C2CD2: variants seen among roughly 807,000 people sequenced by gnomAD.
The protein encoded by C2CD2 is C2 domain-containing protein 2.
A neutral mutation model predicts 74.3 loss-of-function variants in C2CD2; 43 were observed. The ratio of observed to expected loss-of-function variants is 0.58; its 90% CI spans 0.45 to 0.75. The LOEUF is 0.75. Ranked by LOEUF, C2CD2 falls within the 30% of genes least tolerant of loss-of-function variation. The pLI is 0.00. For missense variants in C2CD2, 801 were observed against 916.3 expected, an observed-to-expected ratio of 0.87 and a Z score of 1.63; for synonymous variants, 422 against 390.7, an observed-to-expected ratio of 1.08 and a Z score of -0.94.
intron 6 of C2CD2, among the ~76,000 whole-genome samples, chr21:41,912,842 C>T (rs1443418793): frequency 6.6e-6 from 1 of 152,168 alleles, no homozygotes; most frequent in Non-Finnish European, 1.5e-5. Context: ...AAAAAAAAGG[C>T]TAAATTAAAT....
chr21:41,909,327 G>C, intron 8 of C2CD2, 132 bp downstream of exon 8: 1 of 599,404 alleles, frequency 1.7e-6, no homozygotes, highest in Non-Finnish European at 3.0e-6. Flanking sequence ...ATTCCCATGG[G>C]AAAACCAAAG....
chr21:41,920,161 C>T (rs2065139967), intron 3 of C2CD2, among the ~76,000 whole-genome samples: 1 of 151,784 alleles, frequency 6.6e-6, no homozygotes, highest in South Asian at 2.1e-4. Context: ...AACAGACTCC[C>T]CTGTGACTGC....
intron 13 of C2CD2, among the ~76,000 whole-genome samples, chr21:41,894,355 T>C (rs2064795400): frequency 6.6e-6 from 1 of 152,242 alleles, no homozygotes. Flanking sequence ...TGCTAGACTC[T>C]GTAGGGACAA....
rs2065190760 is a variant in C2CD2 at position 41,924,738 on chromosome 21, T to C, written c.379-2653A>G. Among the ~76,000 whole-genome samples the C allele has an allele frequency of 6.6e-6, 1 of 152,116 alleles. No individual in the cohort carries two copies. The highest frequency in any genetic ancestry group is 1.5e-5 in the Non-Finnish European group (1 of 68,032). On this transcript the variant is annotated intron_variant, in intron 2 of 13. Coordinates refer to ENST00000380486, the MANE Select transcript of C2CD2 (RefSeq NM_015500.2). The surrounding 1 kb of genome is among the most constrained non-coding windows in gnomAD (Gnocchi z 4.4). ...ATAAATTTAAAAACCCAACCCTGAC[T>C]CTGAGCACTGCATAATTCCTCTGGA...
Position 41,895,695 on chromosome 21 carries a change from ATAAT to A in C2CD2, c.1870+3354_1870+3357del, listed in dbSNP as rs1195090922. On this transcript the variant is annotated intron_variant, in intron 13 of 13. Transcript: ENST00000380486. This position sits in a 1 kb window ranked among gnomAD's most constrained non-coding sequence, Gnocchi z 5.0. ...AACAAATACGTGAAAGAATTTAAAC[ATAAT>A]TAATCTAAATTATAGCTCTAATGTC... Among the ~76,000 whole-genome samples the A allele has an allele frequency of 3.3e-5, 5 of 152,382 alleles. No individual in the cohort carries two copies. Among genetic ancestry groups the A allele is most frequent in the East Asian group, 3.9e-4 (2 of 5,192 alleles).
intron 1 of C2CD2, chr21:41,943,096 T>A (rs547209688): frequency 1.0e-5 from 2 of 194,720 alleles, no homozygotes; most frequent in Admixed American, 6.5e-5. Flanking sequence ...AGGCCAGCAG[T>A]TCGAGACCAG....
Position 41,942,277 on chromosome 21 carries a change from G to A in C2CD2, c.280-32C>T. ...CAGAGGGGCAGCATGAGGAGGGCAT[G>A]CACAGGAGGGGCTGCATCTTTTAAA... On this transcript the variant is annotated intron_variant, in intron 1 of 13. Coordinates refer to ENST00000380486, the MANE Select transcript of C2CD2 (RefSeq NM_015500.2). 2.0e-6 allele frequency: 3 copies of A among 1,471,502 alleles called. No individual in the cohort carries two copies. The East Asian group carries it at 7.4e-5, about 36-fold the overall frequency. The allele number at this position is 1,471,502 out of a possible 1,614,324, so 91.2% of individuals were successfully genotyped here.
chr21:41,897,356 C>T (rs1250718659), intron 13 of C2CD2, among the ~76,000 whole-genome samples: 4 of 152,178 alleles, frequency 2.6e-5, no homozygotes, highest in African/African-American at 9.7e-5. Context: ...AGAGGAAGAG[C>T]TACCCCACCC....
Position 41,899,492 on chromosome 21 carries a change from C to T in C2CD2, c.1561-130G>A, listed in dbSNP as rs778163302. ...AGTCTCAGAAGATGCAGCCGTGGGC[C>T]TCATAGAAGGCGCTTATACATCACG... On this transcript the variant is annotated intron_variant, in intron 12 of 13. Coordinates refer to ENST00000380486, the MANE Select transcript of C2CD2 (RefSeq NM_015500.2). This position sits in a 1 kb window ranked among gnomAD's most constrained non-coding sequence, Gnocchi z 4.4. The T allele has an allele frequency of 7.9e-5, 70 of 889,820 alleles. No individual in the cohort carries two copies. Among genetic ancestry groups the T allele is most frequent in the Non-Finnish European group, 1.1e-4 (67 of 589,844 alleles). The allele number at this position is 889,820 out of a possible 1,614,324, so 55.1% of individuals were successfully genotyped here.
chr21:41,921,156 C>T (rs1468451313), intron 3 of C2CD2, among the ~76,000 whole-genome samples: 1 of 152,234 alleles, frequency 6.6e-6, no homozygotes, highest in East Asian at 1.9e-4. Flanking sequence ...CAGGATGTCA[C>T]CTTCCCTTGT....
intron 13 of C2CD2, 125 bp downstream of exon 13, chr21:41,898,928 G>A: frequency 1.3e-6 from 1 of 743,468 alleles, no homozygotes; most frequent in Non-Finnish European, 2.3e-6. Flanking sequence ...AGGGGCAGGG[G>A]TGAGGCTGGG....
chr21:41,947,974 G>A (rs2065416239), intron 1 of C2CD2, among the ~76,000 whole-genome samples: 1 of 152,218 alleles, frequency 6.6e-6, no homozygotes, highest in African/African-American at 2.4e-5. Context: ...TTTAGTTGAT[G>A]TGAACGCTAC....
intron 6 of C2CD2, 119 bp downstream of exon 6, chr21:41,914,479 C>G (rs2146184664): frequency 1.3e-6 from 1 of 751,234 alleles, no homozygotes; most frequent in East Asian, 2.9e-5. Flanking sequence ...CGTGGCAGGG[C>G]TCCCGCTGCA....
intron 1 of C2CD2, among the ~76,000 whole-genome samples, chr21:41,948,630 A>G (rs1302653020): frequency 1.3e-5 from 2 of 152,154 alleles, no homozygotes; most frequent in Non-Finnish European, 2.9e-5. Flanking sequence ...CTTCTACTGG[A>G]GGAGGGAAGG....
intron 7 of C2CD2, 138 bp downstream of exon 7, chr21:41,912,194 T>G: frequency 1.7e-6 from 1 of 574,776 alleles, no homozygotes; most frequent in Admixed American, 3.1e-5. Flanking sequence ...ACCTTTAAGA[T>G]GCTTAAGACA....
chr21:41,922,515 C>T (rs1259382613), intron 2 of C2CD2, among the ~76,000 whole-genome samples: 1 of 150,850 alleles, frequency 6.6e-6, no homozygotes, highest in African/African-American at 2.5e-5. Flanking sequence ...CACTCTGTCA[C>T]CCAGGCTGAA....
chr21:41,909,381 G>T (rs752236091), intron 8 of C2CD2, 78 bp downstream of exon 8: 23 of 948,970 alleles, frequency 2.4e-5, no homozygotes, highest in Non-Finnish European at 4.0e-5. Context: ...ATCTCCCACC[G>T]CCCTTTTCCT....
chr21:41,938,535 C>T (rs2065327900), intron 2 of C2CD2, among the ~76,000 whole-genome samples: 1 of 152,114 alleles, frequency 6.6e-6, no homozygotes. Context: ...ACTCTGTCCT[C>T]ACTAAGCACT....
rs750486307 is a variant in C2CD2, at chr21:41,886,010, G to A, written c.*3114C>T. 6 of 152,258 alleles carry A rather than the reference G, an allele frequency of 3.9e-5. No individual in the cohort carries two copies. Among genetic ancestry groups the A allele is most frequent in the African/African-American group, 7.2e-5 (3 of 41,404 alleles). The allele number at this position is 152,258 out of a possible 1,614,324, so 9.4% of individuals were successfully genotyped here. ...TTTTGTTATTGCTACAATAACACACGCGTGTGTGCAAACACACATAACACA... is the reference window on the plus strand; with the variant it reads ...TTTTGTTATTGCTACAATAACACACACGTGTGTGCAAACACACATAACACA... On this transcript the variant is annotated 3_prime_UTR_variant, in exon 14 of 14. Coordinates refer to ENST00000380486, the MANE Select transcript of C2CD2 (RefSeq NM_015500.2).
Sources: gnomAD v4.1 joint callset for allele counts (sites outside exome capture counted in the v4.1 genomes callset) on GRCh38, gnomAD v4.1.1 for gene constraint, Gnocchi (gnomAD v3.1) non-coding constraint, MANE v1.5 for transcripts, NCBI Gene and HGNC (gene_info 2026-07-23, HGNC 2026-07-21) for gene names.